The following RAB11FIP4 variants were observed in gnomAD, a reference collection of about 807,000 sequenced individuals.
The protein encoded by RAB11FIP4 is RAB11 family interacting protein 4.
A neutral mutation model predicts 74.3 loss-of-function variants in RAB11FIP4; 23 were observed. The ratio of observed to expected loss-of-function variants is 0.31; its 90% confidence interval spans 0.22 to 0.44. The LOEUF is 0.44. Among genes scored for constraint, RAB11FIP4 ranks in the 20% least tolerant of loss-of-function variants. The pLI is 1.00. For missense variants in RAB11FIP4, 630 were observed against 863.9 expected (o/e 0.73, Z 3.39); for synonymous variants, 360 against 359.9 (o/e 1.00, Z 0.00).
intron 3 of RAB11FIP4, among the ~76,000 whole-genome samples, chr17:31,457,622 T>C (rs1012034147): frequency 6.6e-6 from 1 of 151,946 alleles, no homozygotes; most frequent in Non-Finnish European, 1.5e-5. Flanking sequence ...CTAGGACTGA[T>C]AAGAGACCCA....
chr17:31,434,911 C>T (rs533907865), intron 3 of RAB11FIP4, among the ~76,000 whole-genome samples: 4 of 152,310 alleles, frequency 2.6e-5, no homozygotes, highest in Non-Finnish European at 5.9e-5. Flanking sequence ...GTAGGCCTGG[C>T]GTGATGGCTG....
chr17:31,512,370 G>C lies in RAB11FIP4; in HGVS notation c.337-5281G>C, dbSNP rs2072467487. Among the ~76,000 whole-genome samples the C allele has an allele frequency of 6.6e-6, 1 of 152,190 alleles. No homozygotes were observed. The highest frequency in any genetic ancestry group is 2.4e-5 in the African/African-American group (1 of 41,450). ...TCACTTGTCCAAGGTCACATGGCTT[G>C]TAAGTGGCTGGGCCAGCAGGGCCGG... On this transcript the variant is annotated intron_variant, in intron 3 of 14. Coordinates refer to ENST00000621161, the MANE Select transcript of RAB11FIP4 (RefSeq NM_032932.6). The surrounding 1 kb of genome is among the most constrained non-coding windows in gnomAD (Gnocchi z 4.1).
chr17:31,480,158 C>T (rs190753748), intron 3 of RAB11FIP4, among the ~76,000 whole-genome samples: 7 of 152,234 alleles, frequency 4.6e-5, no homozygotes, highest in East Asian at 3.9e-4. Context: ...ACTGTTTCTC[C>T]ACTGCTCCAC....
intron 3 of RAB11FIP4, among the ~76,000 whole-genome samples, chr17:31,495,146 AG>A: frequency 6.6e-6 from 1 of 152,316 alleles, no homozygotes; most frequent in East Asian, 1.9e-4. Flanking sequence ...TAAAATGCTG[AG>A]GCTCTGGCTG....
intron 13 of RAB11FIP4, 103 bp downstream of exon 13, chr17:31,528,881 C>A: frequency 7.8e-7 from 1 of 1,285,014 alleles, no homozygotes; most frequent in Non-Finnish European, 1.1e-6. Context: ...GCTGTAGCAG[C>A]ACTGCCTGTC....
At chr17:31,396,848 AC>A (rs1310673307) in intron 1 of RAB11FIP4, among the ~76,000 whole-genome samples, 2 of 152,120 alleles carry the variant, frequency 1.3e-5, no homozygotes, top group African/African-American at 2.4e-5. Flanking sequence ...ATGCATTAAC[AC>A]AGCACCATCT....
intron 3 of RAB11FIP4, among the ~76,000 whole-genome samples, chr17:31,443,041 C>G (rs1424518969): frequency 6.6e-6 from 1 of 152,066 alleles, no homozygotes; most frequent in African/African-American, 2.4e-5. Flanking sequence ...GGAATCCCAT[C>G]AGGATTGCGT....
At position 31,536,852 on chromosome 17, in the gene RAB11FIP4, T is replaced by C; in HGVS notation, c.*5120T>C. On this transcript the variant is annotated 3_prime_UTR_variant, in exon 15 of 15. Coordinates refer to ENST00000621161, the MANE Select transcript of RAB11FIP4 (RefSeq NM_032932.6). ...AGGCTGCCTTCTAGAAAGATTTGTT[T>C]CTAAAAGCGTAGACCCTGGGGAAGT... is the stretch of plus-strand genomic sequence containing the variant. 1 of 397,574 alleles carries C rather than the reference T, an allele frequency of 2.5e-6. No individual in the cohort carries two copies. Among genetic ancestry groups the C allele is most frequent in the Middle Eastern group, 6.3e-4 (1 of 1,586 alleles). 24.6% of individuals were successfully genotyped at this position (397,574 alleles called of 1,614,324 possible). A position where few individuals can be genotyped will look rare whatever the true frequency, so the allele number is the denominator to read the frequency against.
Position 31,522,345 on chromosome 17 carries a change from C to G in RAB11FIP4, c.894-15C>G, listed in dbSNP as rs1226776640. 1.2e-6 allele frequency: 2 copies of G among 1,613,562 alleles called. No individual in the cohort carries two copies. Among genetic ancestry groups the G allele is most frequent in the African/African-American group, 1.3e-5 (1 of 74,940 alleles). On this transcript the variant is annotated splice_polypyrimidine_tract_variant and intron_variant, in intron 6 of 14. Coordinates refer to ENST00000621161, the MANE Select transcript of RAB11FIP4 (RefSeq NM_032932.6). ...GAACCCCTCTGTTCAATGACTGTTT[C>G]CTTTCTCTCTCTAGCCCCAACCGAA...
intron 1 of RAB11FIP4, among the ~76,000 whole-genome samples, chr17:31,418,247 G>GT (rs1567648766): frequency 6.6e-6 from 1 of 152,146 alleles, no homozygotes; most frequent in Non-Finnish European, 1.5e-5. Flanking sequence ...AATTAGCTGG[G>GT]TGTGGTGGCA....
chr17:31,395,292 A>C (rs1450497793), intron 1 of RAB11FIP4, among the ~76,000 whole-genome samples: 2 of 152,250 alleles, frequency 1.3e-5, no homozygotes, highest in Admixed American at 6.5e-5. Flanking sequence ...AAATCTGAAT[A>C]ACGTATGTTG....
At chr17:31,466,542 G>A (rs1339970997) in intron 3 of RAB11FIP4, among the ~76,000 whole-genome samples, 5 of 152,206 alleles carry the variant, frequency 3.3e-5, no homozygotes, top group Admixed American at 6.5e-5. Context: ...AGACTTTGCC[G>A]AGGTTATGCA....
chr17:31,525,343 C>T (rs898971466), intron 10 of RAB11FIP4, 113 bp downstream of exon 10: 48 of 1,052,718 alleles, frequency 4.6e-5, no homozygotes, highest in Non-Finnish European at 6.0e-5. Flanking sequence ...TGAGGGGCAG[C>T]CTCTTGAGAC....
chr17:31,499,934 G>A (rs1318141790), intron 3 of RAB11FIP4, among the ~76,000 whole-genome samples: 2 of 152,162 alleles, frequency 1.3e-5, no homozygotes, highest in African/African-American at 2.4e-5. Flanking sequence ...TGCTGGGTTT[G>A]TTTTCCAGAT....
chr17:31,512,883 G>A lies in RAB11FIP4; in HGVS notation c.337-4768G>A, dbSNP rs1355545706. 6.6e-6 allele frequency among the ~76,000 whole-genome samples: 1 copy of A among 152,072 alleles called. No homozygotes were observed. The highest frequency in any genetic ancestry group is 1.5e-5 in the Non-Finnish European group (1 of 68,004). On this transcript the variant is annotated intron_variant, in intron 3 of 14. Transcript: ENST00000621161. The surrounding 1 kb of genome is among the most constrained non-coding windows in gnomAD (Gnocchi z 4.1). ...AGGCGGGAATGGGCAGGAAACCGGG[G>A]CTCTGAGAGGCAGTCTTGGAAGCTG... is the stretch of plus-strand genomic sequence containing the variant.
intron 3 of RAB11FIP4, among the ~76,000 whole-genome samples, chr17:31,482,590 GA>G (rs201559368): frequency 7.4e-6 from 1 of 135,086 alleles, no homozygotes; most frequent in Non-Finnish European, 1.6e-5. Flanking sequence ...GACTCTAAAA[GA>G]AAAAAAAAGA....
intron 3 of RAB11FIP4, among the ~76,000 whole-genome samples, chr17:31,475,000 A>G (rs2071777673): frequency 6.6e-6 from 1 of 152,146 alleles, no homozygotes; most frequent in South Asian, 2.1e-4. Context: ...GAGGAACTTG[A>G]AGGAACGTTT....
chr17:31,519,574 G>A (rs2072624928), intron 4 of RAB11FIP4, among the ~76,000 whole-genome samples: 1 of 152,068 alleles, frequency 6.6e-6, no homozygotes, highest in Non-Finnish European at 1.5e-5. Flanking sequence ...GGGGTTGCAA[G>A]TGGCAGCCCC....
chr17:31,524,027 C>A, intron 9 of RAB11FIP4, 31 bp downstream of exon 9: 1 of 1,521,072 alleles, frequency 6.6e-7, no homozygotes, highest in East Asian at 2.3e-5. Context: ...GGGGGCTCGG[C>A]CGTGACGCTG....
Sources: allele counts gnomAD v4.1 joint callset (sites outside exome capture counted in the v4.1 genomes callset), GRCh38; gene constraint gnomAD v4.1.1; non-coding constraint Gnocchi (gnomAD v3.1); transcripts MANE v1.5; gene names NCBI Gene and HGNC (gene_info 2026-07-23, HGNC 2026-07-21).